The following PEAK1 variants were observed in gnomAD, a reference collection of about 807,000 sequenced individuals.
The protein encoded by PEAK1 is pseudopodium enriched atypical kinase 1.
Under a neutral mutation model 124.7 loss-of-function variants are expected in PEAK1, and 54 were observed. The observed-to-expected ratio is 0.43, with a 90% confidence interval of 0.35 to 0.54. PEAK1 has a LOEUF of 0.54. Among genes scored for constraint, PEAK1 ranks in the 20% least tolerant of loss-of-function variants. The probability of loss-of-function intolerance (pLI) is 0.01; values close to 1 mark genes in which losing one functional copy is unlikely to be tolerated. For missense variants in PEAK1, 2,046 were observed against 2,134.5 expected, an observed-to-expected ratio of 0.96 and a Z score of 0.82; for synonymous variants, 719 against 760.0, an observed-to-expected ratio of 0.95 and a Z score of 0.89.
intron 2 of PEAK1, chr15:77,335,341 T>C: frequency 4.1e-6 from 4 of 985,448 alleles, no homozygotes; most frequent in Non-Finnish European, 4.8e-6. Context: ...CTAATACACA[T>C]GCAGTGTTTT....
At chr15:77,410,414 C>T (rs891042144) in intron 1 of PEAK1, among the ~76,000 whole-genome samples, 1 of 152,106 alleles carries the variant, frequency 6.6e-6, no homozygotes, top group Non-Finnish European at 1.5e-5. Context: ...TGTGAGCCAT[C>T]GCACCCGTCT....
At chr15:77,107,903 G>C (rs2050778063), downstream of PEAK1, 1 of 152,270 alleles carries the variant, frequency 6.6e-6, no homozygotes, top group Admixed American at 6.5e-5. Context: ...CTGAGGTCTG[G>C]GAAAAGCAGA....
intron 9 of PEAK1, among the ~76,000 whole-genome samples, chr15:77,116,568 A>T (rs2051382811): frequency 6.6e-6 from 1 of 152,168 alleles, no homozygotes; most frequent in Non-Finnish European, 1.5e-5. Context: ...ATTAAAAAAA[A>T]AAAAAGATCA....
At chr15:77,229,970 G>C (rs2059837582) in intron 6 of PEAK1, among the ~76,000 whole-genome samples, 1 of 151,970 alleles carries the variant, frequency 6.6e-6, no homozygotes. Context: ...TCTAACCTTT[G>C]ATTCAACAAA....
intron 9 of PEAK1, among the ~76,000 whole-genome samples, chr15:77,125,757 G>A (rs2052323897): frequency 1.3e-5 from 2 of 152,216 alleles, no homozygotes; most frequent in Non-Finnish European, 2.9e-5. Flanking sequence ...ACCGCTTGGG[G>A]TACTTGCTAC....
intron 6 of PEAK1, among the ~76,000 whole-genome samples, chr15:77,195,589 T>C (rs1447482895): frequency 2.0e-5 from 3 of 152,228 alleles, no homozygotes; most frequent in East Asian, 1.9e-4. Context: ...TTTGTTCTAA[T>C]TGACTTCAGG....
intron 1 of PEAK1, among the ~76,000 whole-genome samples, chr15:77,375,778 G>A (rs1208768336): frequency 2.0e-5 from 3 of 152,052 alleles, no homozygotes; most frequent in East Asian, 3.9e-4. Context: ...GGTGGATCAC[G>A]AAGTCAGGAG....
intron 1 of PEAK1, among the ~76,000 whole-genome samples, chr15:77,387,329 T>C (rs2070038476): frequency 6.6e-6 from 1 of 152,242 alleles, no homozygotes; most frequent in Non-Finnish European, 1.5e-5. Flanking sequence ...GGTGTAAATA[T>C]AATTAGCCTG....
intron 5 of PEAK1, among the ~76,000 whole-genome samples, chr15:77,269,709 C>T (rs1485725683): frequency 1.3e-5 from 2 of 152,148 alleles, no homozygotes; most frequent in Non-Finnish European, 2.9e-5. Context: ...ACACATGGAA[C>T]ATTCTCCAAG....
At chr15:77,394,676 C>T (rs1328713295) in intron 1 of PEAK1, among the ~76,000 whole-genome samples, 1 of 152,162 alleles carries the variant, frequency 6.6e-6, no homozygotes, top group Non-Finnish European at 1.5e-5. Context: ...AGAAGGGGTA[C>T]AAATAAGCCC....
chr15:77,321,775 T>A (rs1268421530), intron 2 of PEAK1, among the ~76,000 whole-genome samples: 1 of 152,082 alleles, frequency 6.6e-6, no homozygotes, highest in Non-Finnish European at 1.5e-5. Flanking sequence ...TCTTCTAGGG[T>A]TTTTATGGTT....
intron 6 of PEAK1, among the ~76,000 whole-genome samples, chr15:77,186,636 A>AAAAC (rs71143398): frequency 0.084 from 12,843 of 152,232 alleles, 614 homozygotes; most frequent in Admixed American, 0.1. Context: ...TAAAAAACAA[A>AAAAC]AAACAAAAAA....
chr15:77,266,719 C>G (rs1031751399), intron 5 of PEAK1, among the ~76,000 whole-genome samples: 3 of 152,162 alleles, frequency 2.0e-5, no homozygotes, highest in Non-Finnish European at 4.4e-5. Context: ...GAAGGCAGGA[C>G]TAACTTCAGC....
At chr15:77,188,884 A>C (rs369531762) in intron 6 of PEAK1, among the ~76,000 whole-genome samples, 1 of 152,216 alleles carries the variant, frequency 6.6e-6, no homozygotes, top group African/African-American at 2.4e-5. Flanking sequence ...ACTAAGTACC[A>C]GGCCCTTTAC....
Position 77,205,269 on chromosome 15 carries a change from T to C in PEAK1, c.-114-23229A>G, listed in dbSNP as rs538764176. ...CATTTTTTTTTTAAGATCAAATGCC[T>C]TTTTTTAAAAAAAAAAAAAAAGAAG... On this transcript the variant is annotated intron_variant, in intron 6 of 9. Transcript: ENST00000682557. Among the ~76,000 whole-genome samples the C allele has an allele frequency of 3.4e-3, 442 of 130,978 alleles. 2 individuals are homozygous for C. Among genetic ancestry groups the C allele is most frequent in the African/African-American group, 0.012 (421 of 36,228 alleles). The allele number at this position is 130,978 out of a possible 152,430, so 85.9% of individuals were successfully genotyped here.
chr15:77,402,336 A>C lies in PEAK1; in HGVS notation c.-666+17670T>G, dbSNP rs1392708592. 6.1e-6 allele frequency: 6 copies of C among 985,244 alleles called. No individual in the cohort carries two copies. The Admixed American group carries it at 3.7e-4, about 61-fold the overall frequency. The allele number at this position is 985,244 out of a possible 1,614,324, so 61.0% of individuals were successfully genotyped here. ...GGGAGAAAAGGAGATCAAGGGAATA[A>C]ATCAAGGGAAAAGAGGCAAGTTCCT... is the stretch of plus-strand genomic sequence containing the variant. On this transcript the variant is annotated intron_variant, in intron 1 of 9. Transcript: ENST00000682557.
At chr15:77,344,280 G>C (rs182467184) in intron 2 of PEAK1, among the ~76,000 whole-genome samples, 1 of 152,024 alleles carries the variant, frequency 6.6e-6, no homozygotes, top group South Asian at 2.1e-4. Context: ...ATTTTTAGTA[G>C]AGACGGGGTT....
Position 77,115,261 on chromosome 15 carries a change from T to C in PEAK1, c.4136A>G (p.Gln1379Arg), listed in dbSNP as rs2051260265. The C allele has an allele frequency of 1.2e-6, 2 of 1,614,064 alleles. No individual in the cohort carries two copies. Among genetic ancestry groups the C allele is most frequent in the African/African-American group, 1.3e-5 (1 of 74,934 alleles). The change falls in exon 10 of 10, where the codon CAG becomes CGG. Residue 1379 changes from glutamine (Q) to arginine (R), a missense_variant. By Grantham distance (43) the Gln-to-Arg change is conservative (BLOSUM62 1). Coordinates refer to ENST00000682557, the MANE Select transcript of PEAK1 (RefSeq NM_001385026.1). ...QQYYHSLAVR[Q>R]SLAVHFNIQQ... ...AATGTTAAAATGGACAGCCAGACTCTGCCGGACAGCCAAGCTGTGATAATA... is the reference window on the plus strand; with the variant it reads ...AATGTTAAAATGGACAGCCAGACTCCGCCGGACAGCCAAGCTGTGATAATA...
chr15:77,284,321 T>G (rs1364574711), intron 4 of PEAK1, among the ~76,000 whole-genome samples: 3 of 152,224 alleles, frequency 2.0e-5, no homozygotes, highest in Non-Finnish European at 4.4e-5. Flanking sequence ...TTCTTAGCTA[T>G]TCACATGTGA....
Sources: gnomAD v4.1 joint callset for allele counts (sites outside exome capture counted in the v4.1 genomes callset) on GRCh38, gnomAD v4.1.1 for gene constraint, MANE v1.5 for transcripts, NCBI Gene and HGNC (gene_info 2026-07-23, HGNC 2026-07-21) for gene names.